The following MYEF2 variants were observed in gnomAD, a reference collection of about 807,000 sequenced individuals.
MYEF2 encodes the protein myelin expression factor 2, also known as myelin gene expression factor 2.
Under a neutral mutation model 75.2 loss-of-function variants are expected in MYEF2, and 37 were observed. The ratio of observed to expected loss-of-function variants is 0.49; its 90% CI spans 0.38 to 0.65. The LOEUF (loss-of-function observed/expected upper bound fraction) is 0.65, where lower values mean the gene tolerates loss of function less well. Among genes scored for constraint, MYEF2 ranks in the 30% least tolerant of loss-of-function variants. The probability of loss-of-function intolerance (pLI) is 0.00; values close to 1 mark genes in which losing one functional copy is unlikely to be tolerated. For missense variants in MYEF2, 634 were observed against 771.4 expected, an observed-to-expected ratio of 0.82 and a Z score of 2.11; for synonymous variants, 195 against 241.6, an observed-to-expected ratio of 0.81 and a Z score of 1.79.
rs761781716 is a variant in MYEF2 at position 48,138,658 on chromosome 15, T to C, written c.*4250A>G. ...TTAAGCAAAAAGTTACTGAAGACAA[T>C]CCACAGGAGATGTCCAATTGACACT... On this transcript the variant is annotated 3_prime_UTR_variant, in exon 17 of 17. Transcript: ENST00000324324. The C allele has an allele frequency of 8.7e-5, 20 of 230,916 alleles. No individual in the cohort carries two copies. The highest frequency in any genetic ancestry group is 1.4e-4 in the African/African-American group (6 of 44,348). 14.3% of individuals were successfully genotyped at this position (230,916 alleles called of 1,614,324 possible).
chr15:48,151,270 G>T, intron 13 of MYEF2, 99 bp from the exon 14 acceptor site: 3 of 1,148,566 alleles, frequency 2.6e-6, no homozygotes, highest in Non-Finnish European at 3.8e-6. Flanking sequence ...TAAATGAAAA[G>T]CATAAAGTCT....
chr15:48,165,896 A>C (rs770919588), intron 5 of MYEF2, 37 bp downstream of exon 5: 1 of 1,378,354 alleles, frequency 7.3e-7, no homozygotes, highest in African/African-American at 1.5e-5. Context: ...ATGTCTTTAT[A>C]GTCAAATGTT....
At chr15:48,159,472 T>C (rs2039848674) in intron 6 of MYEF2, 141 bp downstream of exon 6, 1 of 688,494 alleles carries the variant, frequency 1.5e-6, no homozygotes, top group African/African-American at 1.8e-5. Flanking sequence ...ATACGTCAAT[T>C]GATTTTGAGT....
rs1191522938 is a variant in MYEF2 at position 48,176,950 on chromosome 15, G to A, written c.161+1127C>T. On this transcript the variant is annotated intron_variant, in intron 1 of 16. Transcript: ENST00000324324. ...TTGAGAGCAAGAGTGTCAAAGAGCT[G>A]GGGAGAGCTACCCCATCTTTTTTGC... is the stretch of plus-strand genomic sequence containing the variant. 2.6e-5 allele frequency among the ~76,000 whole-genome samples: 4 copies of A among 152,170 alleles called. 1 individual carries two copies. The highest frequency in any genetic ancestry group is 9.7e-5 in the African/African-American group (4 of 41,434).
chr15:48,146,838 G>A (rs566855256), intron 16 of MYEF2, among the ~76,000 whole-genome samples: 3 of 152,110 alleles, frequency 2.0e-5, no homozygotes, highest in African/African-American at 7.2e-5. Context: ...GCAGAAAAAT[G>A]GATGGTTCAG....
intron 9 of MYEF2, chr15:48,157,639 TA>T (rs2140875488): frequency 3.7e-6 from 2 of 545,582 alleles, no homozygotes; most frequent in Non-Finnish European, 4.7e-6. Flanking sequence ...CCCAACTATG[TA>T]AAAAATATAC....
chr15:48,173,503 G>A (rs1464073491), intron 1 of MYEF2, among the ~76,000 whole-genome samples: 1 of 151,998 alleles, frequency 6.6e-6, no homozygotes, highest in Non-Finnish European at 1.5e-5. Context: ...AGAGCAATTA[G>A]GCAAATAAAA....
intron 1 of MYEF2, among the ~76,000 whole-genome samples, chr15:48,172,382 C>G (rs1433648251): frequency 7.3e-6 from 1 of 137,858 alleles, no homozygotes; most frequent in East Asian, 2.1e-4. Flanking sequence ...TTTTTTGATA[C>G]AGAGCAAGAC....
intron 1 of MYEF2, among the ~76,000 whole-genome samples, chr15:48,172,502 T>A (rs1377048640): frequency 3.4e-5 from 5 of 146,750 alleles, no homozygotes; most frequent in South Asian, 2.2e-4. Flanking sequence ...AAGAAAATAA[T>A]GAAAATCAGG....
chr15:48,177,967 G>A (rs2040612678), intron 1 of MYEF2, 110 bp downstream of exon 1: 1 of 1,396,424 alleles, frequency 7.2e-7, no homozygotes, highest in African/African-American at 1.5e-5. Context: ...CCGGGGGCGG[G>A]CCGGGGTCTG....
intron 11 of MYEF2, 92 bp downstream of exon 11, chr15:48,152,142 C>T (rs747173128): frequency 7.7e-5 from 103 of 1,341,032 alleles, no homozygotes; most frequent in Non-Finnish European, 1.1e-4. Flanking sequence ...AACAATAAAC[C>T]ATGACTTTTT....
rs2038983325 is a variant in MYEF2, at chr15:48,139,300, A to G, written c.*3608T>C. ...TTCAGCAAGATTGAAGATTAGTACC[A>G]TTTACAAAATGATTAAGTATTACTA... On this transcript the variant is annotated 3_prime_UTR_variant, in exon 17 of 17. Coordinates refer to ENST00000324324, the MANE Select transcript of MYEF2 (RefSeq NM_016132.5). 1 of 692,642 alleles carries G rather than the reference A, an allele frequency of 1.4e-6. No individual in the cohort carries two copies. Among genetic ancestry groups the G allele is most frequent in the African/African-American group, 1.8e-5 (1 of 56,002 alleles). 42.9% of individuals were successfully genotyped at this position (692,642 alleles called of 1,614,324 possible).
intron 14 of MYEF2, among the ~76,000 whole-genome samples, chr15:48,150,187 A>T (rs1234342511): frequency 6.6e-6 from 1 of 151,946 alleles, no homozygotes; most frequent in Non-Finnish European, 1.5e-5. Flanking sequence ...ATCACCCTCA[A>T]ATTGGCTTTT....
At chr15:48,166,370 A>C (rs1371203958) in intron 3 of MYEF2, among the ~76,000 whole-genome samples, 1 of 151,902 alleles carries the variant, frequency 6.6e-6, no homozygotes, top group East Asian at 1.9e-4. Context: ...CACATTTTTC[A>C]CTTTTAGGTG....
intron 9 of MYEF2, among the ~76,000 whole-genome samples, chr15:48,154,655 C>A (rs1012389454): frequency 6.6e-6 from 1 of 152,032 alleles, no homozygotes; most frequent in Non-Finnish European, 1.5e-5. Flanking sequence ...AATCTTTATA[C>A]AAGTTAAACT....
At position 48,178,146 on chromosome 15, in the gene MYEF2, C is replaced by G; in HGVS notation, c.92G>C (p.Arg31Pro). 2.5e-6 allele frequency: 4 copies of G among 1,569,816 alleles called. No homozygotes were observed. Among genetic ancestry groups the G allele is most frequent in the Non-Finnish European group, 3.5e-6 (4 of 1,158,796 alleles). ...QPAEPPGEPR[R>P]EPHPAEAEKQ... ...CTCCGCCTCCGCGGGGTGCGGCTCT[C>G]GCCGCGGCTCGCCCGGCGGCTCTGC... Residue 31 changes from arginine to proline, a missense_variant, in exon 1 of 17, where the codon CGA (arginine) becomes CCA (proline). Arg to Pro is a moderately radical substitution (Grantham distance 103). Transcript: ENST00000324324.
At position 48,137,997 on chromosome 15, in the gene MYEF2, A is replaced by C. The variant is rs2038944471; in HGVS notation, c.*4911T>G. Reference sequence around the variant, plus strand: ...GGTTTTATTCTAATCTACTACTTAAAATTTTAAAACATGACTTTTCCCCCT... The same window carrying C: ...GGTTTTATTCTAATCTACTACTTAACATTTTAAAACATGACTTTTCCCCCT... On this transcript the variant is annotated 3_prime_UTR_variant, in exon 17 of 17. Transcript: ENST00000324324. 1 of 152,118 alleles carries C rather than the reference A, an allele frequency of 6.6e-6. No homozygotes were observed. The highest frequency in any genetic ancestry group is 6.6e-5 in the Admixed American group (1 of 15,258). The allele number at this position is 152,118 out of a possible 1,614,324, so 9.4% of individuals were successfully genotyped here.
intron 1 of MYEF2, among the ~76,000 whole-genome samples, chr15:48,171,767 A>T (rs2040351481): frequency 6.6e-6 from 1 of 152,192 alleles, no homozygotes; most frequent in African/African-American, 2.4e-5. Context: ...CTCTTAAGGA[A>T]ATGATGCTAC....
In MYEF2 at chr15:48,151,500, C is replaced by T; in HGVS notation, c.1279G>A (p.Gly427Ser). The change falls in exon 13 of 17, where the codon GGC (glycine) becomes AGC (serine). Residue 427 changes from glycine to serine, a missense_variant. By Grantham distance (56) the Gly-to-Ser change is moderately conservative. Transcript: ENST00000324324. ...FGRGDIGINR[G>S]FGDSFGRLGS... ...AGTCTACCAAAGGAATCTCCAAAGC[C>T]TCGATTTATTCCAATATCACCACGT... 6.2e-7 allele frequency: 1 copy of T among 1,613,010 alleles called. No individual in the cohort carries two copies. Among genetic ancestry groups the T allele is most frequent in the South Asian group, 1.1e-5 (1 of 91,048 alleles).
Sources: allele counts gnomAD v4.1 joint callset (sites outside exome capture counted in the v4.1 genomes callset), GRCh38; gene constraint gnomAD v4.1.1; transcripts MANE v1.5; gene names NCBI Gene and HGNC (gene_info 2026-07-23, HGNC 2026-07-21).